Variants in BRWD1 observed in about 807,000 individuals in gnomAD.
BRWD1 encodes the protein bromodomain and WD repeat-containing protein 1.
BRWD1 carries 82 observed loss-of-function variants against 251.2 expected under a neutral mutation model. The observed-to-expected ratio is 0.33, with a 90% CI of 0.27 to 0.39. The LOEUF is 0.39. Ranked by LOEUF, BRWD1 falls within the 10% of genes least tolerant of loss-of-function variation. The pLI is 1.00. For missense variants in BRWD1, 2,233 were observed against 2,711.6 expected, an observed-to-expected ratio of 0.82 and a Z score of 3.92; for synonymous variants, 918 against 902.8, an observed-to-expected ratio of 1.02 and a Z score of -0.30.
chr21:39,275,937 T>C (rs997829796), intron 12 of BRWD1, among the ~76,000 whole-genome samples: 3 of 151,852 alleles, frequency 2.0e-5, no homozygotes, highest in African/African-American at 7.3e-5. Flanking sequence ...GAGGCTGAGG[T>C]AGAAGATTAA....
rs757990620 is a variant in BRWD1 at position 39,196,926 on chromosome 21, G to C, written c.6143C>G (p.Ser2048Cys). Residue 2048 changes from serine to cysteine, a missense_variant, in exon 41 of 41, where the codon TCT becomes TGT. Coordinates refer to ENST00000342449, the MANE Select transcript of BRWD1 (RefSeq NM_033656.4). ...TGAATCTTCTCCTGAAGATGTAACAGAGGAACTTTTTCTTTTAGAAGGTGC... is the reference window on the plus strand; with the variant it reads ...TGAATCTTCTCCTGAAGATGTAACACAGGAACTTTTTCTTTTAGAAGGTGC... ...IDAPSKRKSS[S>C]VTSSGEDSKS... 6.2e-7 allele frequency: 1 copy of C among 1,613,858 alleles called. No homozygotes were observed. Among genetic ancestry groups the C allele is most frequent in the Admixed American group, 1.7e-5 (1 of 60,008 alleles).
intron 8 of BRWD1, among the ~76,000 whole-genome samples, chr21:39,292,139 G>T (rs1188861752): frequency 4.4e-5 from 4 of 91,786 alleles, no homozygotes; most frequent in South Asian, 5.1e-4. Context: ...GGGTGGGGGG[G>T]GGGGTCTCAC....
intron 9 of BRWD1, among the ~76,000 whole-genome samples, chr21:39,279,359 C>A (rs756398505): frequency 2.0e-5 from 3 of 152,080 alleles, no homozygotes; most frequent in Non-Finnish European, 4.4e-5. Flanking sequence ...TTCTAACAGG[C>A]CAGGCGTGGT....
chr21:39,274,722 A>T (rs184312728), intron 12 of BRWD1, among the ~76,000 whole-genome samples: 1 of 152,338 alleles, frequency 6.6e-6, no homozygotes, highest in Admixed American at 6.5e-5. Context: ...CAAACAGATT[A>T]AGTTTTGAAA....
At position 39,247,690 on chromosome 21, in the gene BRWD1, T is replaced by C. The variant is rs763030754; in HGVS notation, c.2481+11A>G. The C allele has an allele frequency of 6.3e-7, 1 of 1,592,150 alleles. No individual in the cohort carries two copies. The highest frequency in any genetic ancestry group is 1.4e-5 in the African/African-American group (1 of 73,802). On this transcript the variant is annotated intron_variant, in intron 21 of 40. Coordinates refer to ENST00000342449, the MANE Select transcript of BRWD1 (RefSeq NM_033656.4). ...AGATTATCTTATAACATTTTAAAGTTTTCCACTCACATGTCTTACAGAGCT... is the reference window on the plus strand; with the variant it reads ...AGATTATCTTATAACATTTTAAAGTCTTCCACTCACATGTCTTACAGAGCT...
At chr21:39,279,010 A>T (rs961402436) in intron 9 of BRWD1, among the ~76,000 whole-genome samples, 197 bp from the exon 10 acceptor site, 10 of 152,162 alleles carry the variant, frequency 6.6e-5, no homozygotes. Context: ...GCTGGGGACC[A>T]CAGGCACACA....
At position 39,194,748 on chromosome 21, in the gene BRWD1, T is replaced by G. The variant is rs1327873886; in HGVS notation, c.*1511A>C. 6.5e-7 allele frequency: 1 copy of G among 1,535,286 alleles called. No individual in the cohort carries two copies. Among genetic ancestry groups the G allele is most frequent in the South Asian group, 1.2e-5 (1 of 84,032 alleles). On this transcript the variant is annotated 3_prime_UTR_variant, in exon 41 of 41. Coordinates refer to ENST00000342449, the MANE Select transcript of BRWD1 (RefSeq NM_033656.4). Reference sequence around the variant, plus strand: ...TCAAAGATACACAGGAGAAAAGGTTTTGTCTGAAACCAAACACAATTAGGG... The same window carrying G: ...TCAAAGATACACAGGAGAAAAGGTTGTGTCTGAAACCAAACACAATTAGGG...
intron 21 of BRWD1, among the ~76,000 whole-genome samples, chr21:39,240,555 A>G (rs2033952851): frequency 6.6e-6 from 1 of 152,220 alleles, no homozygotes; most frequent in Admixed American, 6.5e-5. Context: ...GTACAAAAAT[A>G]CGTATACAAA....
intron 21 of BRWD1, among the ~76,000 whole-genome samples, chr21:39,240,200 TATG>T (rs1325633198): frequency 3.4e-4 from 52 of 152,226 alleles, no homozygotes; most frequent in Admixed American, 1.6e-3. Flanking sequence ...AAGATAAAAC[TATG>T]AAGACAAAAA....
Position 39,247,764 on chromosome 21 carries a change from A to G in BRWD1, c.2418T>C (p.Gly806=), listed in dbSNP as rs769262002. The G allele has an allele frequency of 1.9e-6, 3 of 1,613,734 alleles. No homozygotes were observed. Among genetic ancestry groups the G allele is most frequent in the East Asian group, 2.2e-5 (1 of 44,824 alleles). The change falls in exon 21 of 41, where the codon GGT becomes GGC. Residue 806 remains glycine (G), a synonymous_variant. Transcript: ENST00000342449. ...ACTCACGCCAGCTACGATTTCTTCT[A>G]CCATAATTTGGATATTTACGCCTAC... ...RTCRRKYPNY[G]RRNRSWRELS...
chr21:39,265,988 G>T (rs1447539487), intron 15 of BRWD1, among the ~76,000 whole-genome samples: 1 of 152,154 alleles, frequency 6.6e-6, no homozygotes, highest in Non-Finnish European at 1.5e-5. Flanking sequence ...AGTTAAGTTA[G>T]TTATTTGGTT....
chr21:39,229,581 A>G (rs2033526364), intron 25 of BRWD1, 145 bp from the exon 26 acceptor site: 1 of 739,228 alleles, frequency 1.4e-6, no homozygotes, highest in South Asian at 1.8e-5. Flanking sequence ...ATTACATTCA[A>G]TTTTGCTAAA....
chr21:39,217,963 G>A (rs143094336), intron 31 of BRWD1, among the ~76,000 whole-genome samples, 189 bp downstream of exon 31: 144 of 152,080 alleles, frequency 9.5e-4, no homozygotes, highest in African/African-American at 3.4e-3. Context: ...AAATATGGTA[G>A]TCAATCTTCT....
intron 33 of BRWD1, 120 bp from the exon 34 acceptor site, chr21:39,212,827 C>A: frequency 1.6e-6 from 1 of 643,782 alleles, no homozygotes; most frequent in South Asian, 2.8e-5. Context: ...ATGTTATTAT[C>A]AAAATCTCCA....
intron 36 of BRWD1, among the ~76,000 whole-genome samples, chr21:39,206,715 G>A (rs1348935301): frequency 6.6e-6 from 1 of 152,172 alleles, no homozygotes; most frequent in East Asian, 1.9e-4. Context: ...TCTGCAATCT[G>A]TTTTCAATGC....
chr21:39,254,564 G>T (rs1402120373), intron 19 of BRWD1, among the ~76,000 whole-genome samples: 1 of 152,102 alleles, frequency 6.6e-6, no homozygotes, highest in Non-Finnish European at 1.5e-5. Flanking sequence ...ATAATGAAAA[G>T]GAATAAATCT....
At position 39,198,923 on chromosome 21, in the gene BRWD1, A is replaced by T; in HGVS notation, c.5493T>A (p.Asp1831Glu). ...DSEDSESEEQ[D>E]REDGKCHKME... Reference sequence around the variant, plus strand: ...TTTTATGACATTTCCCATCTTCTCTATCTTGCTCTTCAGATTCAGAGTCTT... The same window carrying T: ...TTTTATGACATTTCCCATCTTCTCTTTCTTGCTCTTCAGATTCAGAGTCTT... The change falls in exon 40 of 41, where the codon GAT (aspartate) becomes GAA (glutamate). Residue 1831 changes from aspartate to glutamate, a missense_variant. Coordinates refer to ENST00000342449, the MANE Select transcript of BRWD1 (RefSeq NM_033656.4). The T allele has an allele frequency of 6.2e-7, 1 of 1,614,046 alleles. No individual in the cohort carries two copies. Among genetic ancestry groups the T allele is most frequent in the Non-Finnish European group, 8.5e-7 (1 of 1,180,010 alleles).
rs531437829 is a variant in BRWD1, at chr21:39,192,240, G to T, written c.*4019C>A. 8.7e-4 allele frequency: 844 copies of T among 966,854 alleles called. 1 individual carries two copies. The highest frequency in any genetic ancestry group is 5.5e-3 in the Admixed American group (75 of 13,592). 59.9% of individuals were successfully genotyped at this position (966,854 alleles called of 1,614,324 possible). ...TAAAATCGTAAGAAAAGACAACACA[G>T]CCCTTAGCATTACATACTTTACTTT... On this transcript the variant is annotated 3_prime_UTR_variant, in exon 41 of 41. Coordinates refer to ENST00000342449, the MANE Select transcript of BRWD1 (RefSeq NM_033656.4).
At position 39,193,710 on chromosome 21, in the gene BRWD1, T is replaced by C; in HGVS notation, c.*2549A>G. 1 of 985,572 alleles carries C rather than the reference T, an allele frequency of 1.0e-6. No individual in the cohort carries two copies. The highest frequency in any genetic ancestry group is 1.2e-6 in the Non-Finnish European group (1 of 829,708). The allele number at this position is 985,572 out of a possible 1,614,324, so 61.1% of individuals were successfully genotyped here. A position where few individuals can be genotyped will look rare whatever the true frequency, so the allele number is the denominator to read the frequency against. ...CATTCAAATTATAACCCTTTATCTT[T>C]TTCTCAAGAATACTACAAACTGACC... On this transcript the variant is annotated 3_prime_UTR_variant, in exon 41 of 41. Coordinates refer to ENST00000342449, the MANE Select transcript of BRWD1 (RefSeq NM_033656.4).
Sources: allele counts gnomAD v4.1 joint callset (sites outside exome capture counted in the v4.1 genomes callset), GRCh38; gene constraint gnomAD v4.1.1; transcripts MANE v1.5; gene names NCBI Gene and HGNC (gene_info 2026-07-23, HGNC 2026-07-21).